TIGD1: variants seen among roughly 807,000 people sequenced by gnomAD.
TIGD1 encodes the protein tigger transposable element derived 1, also known as tigger transposable element-derived protein 1.
In TIGD1, 20 loss-of-function variants were observed where a neutral mutation model predicts 21.3. The ratio of observed to expected loss-of-function variants is 0.94; its 90% confidence interval spans 0.66 to 1.36. The LOEUF (loss-of-function observed/expected upper bound fraction) is 1.36. Among genes scored for constraint, TIGD1 ranks in the 40% most tolerant of loss-of-function variants. The pLI is 0.00. For synonymous variants in TIGD1, 177 were observed against 123.2 expected (o/e 1.44, Z -2.89); for missense variants, 556 against 350.5 (o/e 1.59, Z -4.68).
Position 232,549,823 on chromosome 2 carries a change from T to C in TIGD1, c.60A>G (p.Lys20=), listed in dbSNP as rs955049434. Residue 20 remains lysine, a synonymous_variant, in exon 1 of 1, where the codon AAA becomes AAG. Transcript: ENST00000408957. Reference sequence around the variant, plus strand: ...CCTCACTCAGTTTAATCATTTCTAGTTTTTGATTTAAAGTGAGAGATGTGC... The same window carrying C: ...CCTCACTCAGTTTAATCATTTCTAGCTTTTGATTTAAAGTGAGAGATGTGC... ...KSRTSLTLNQ[K]LEMIKLSEEG... The C allele has an allele frequency of 6.5e-7, 1 of 1,543,564 alleles. No individual in the cohort carries two copies. Among genetic ancestry groups the C allele is most frequent in the African/African-American group, 1.4e-5 (1 of 72,674 alleles).
chr2:232,544,938 G>C lies in TIGD1; in HGVS notation c.*3169C>G. ...TCAGGGTGGGGTGGAGGTGGAGTGA[G>C]TACCTGGGCTTGGAACCGTGATAGA... On this transcript the variant is annotated 3_prime_UTR_variant, in exon 1 of 1. Transcript: ENST00000408957. 1.2e-6 allele frequency: 2 copies of C among 1,613,222 alleles called. No individual in the cohort carries two copies. Among genetic ancestry groups the C allele is most frequent in the Non-Finnish European group, 1.7e-6 (2 of 1,179,718 alleles).
Position 232,545,474 on chromosome 2 carries a change from G to C in TIGD1, c.*2633C>G, listed in dbSNP as rs1692110935. 7.1e-7 allele frequency: 1 copy of C among 1,407,594 alleles called. No individual in the cohort carries two copies. Among genetic ancestry groups the C allele is most frequent in the Admixed American group, 1.8e-5 (1 of 54,178 alleles). The allele number at this position is 1,407,594 out of a possible 1,614,324, so 87.2% of individuals were successfully genotyped here. A position where few individuals can be genotyped will look rare whatever the true frequency, so the allele number is the denominator to read the frequency against. On this transcript the variant is annotated 3_prime_UTR_variant, in exon 1 of 1. Transcript: ENST00000408957. Reference sequence around the variant, plus strand: ...GACATGGGCCTGCTGGAAGCCCAAGGATGAGAACAGGACCCAGGGAAGACC... The same window carrying C: ...GACATGGGCCTGCTGGAAGCCCAAGCATGAGAACAGGACCCAGGGAAGACC...
rs1230404709 is a variant in TIGD1, at chr2:232,548,432, A to G, written c.1451T>C (p.Ile484Thr). The change falls in exon 1 of 1, where the codon ATT becomes ACT. Residue 484 changes from isoleucine to threonine, a missense_variant. Transcript: ENST00000408957. ...ESTPGEDAVN[I>T]VEMTTKDLEY... ...TAAATCCTTTGTTGTCATTTCAACA[A>G]TGTTCACAGCATCTTCACCAGGTGT... is the stretch of plus-strand genomic sequence containing the variant. 1 of 736,470 alleles carries G rather than the reference A, an allele frequency of 1.4e-6. No individual in the cohort carries two copies. Among genetic ancestry groups the G allele is most frequent in the Admixed American group, 2.1e-5 (1 of 48,670 alleles). 45.6% of individuals were successfully genotyped at this position (736,470 alleles called of 1,614,324 possible). A position where few individuals can be genotyped will look rare whatever the true frequency, so the allele number is the denominator to read the frequency against.
In TIGD1 at chr2:232,548,193, T is replaced by G. The variant is rs1206562284; in HGVS notation, c.1690A>C (p.Thr564Pro). 6.5e-7 allele frequency: 1 copy of G among 1,534,300 alleles called. No homozygotes were observed. Among genetic ancestry groups the G allele is most frequent in the Non-Finnish European group, 8.7e-7 (1 of 1,143,352 alleles). ...LPQPPQPSAA[T>P]TLTSQQPSTS... Reference sequence around the variant, plus strand: ...GATGGTTGCTGACTGGTCAGGGTGGTGGCTGCTGAAGGTTGGGGTGGCTGT... The same window carrying G: ...GATGGTTGCTGACTGGTCAGGGTGGGGGCTGCTGAAGGTTGGGGTGGCTGT... The change falls in exon 1 of 1, where the codon ACC becomes CCC. Residue 564 changes from threonine to proline, a missense_variant. Coordinates refer to ENST00000408957, the MANE Select transcript of TIGD1 (RefSeq NM_145702.4).
chr2:232,549,454 G>A lies in TIGD1; in HGVS notation c.429C>T (p.Ser143=). The A allele has an allele frequency of 1.5e-6, 1 of 664,862 alleles. No individual in the cohort carries two copies. 41.2% of individuals were successfully genotyped at this position (664,862 alleles called of 1,614,324 possible). A position where few individuals can be genotyped will look rare whatever the true frequency, so the allele number is the denominator to read the frequency against. The change falls in exon 1 of 1, where the codon AGC becomes AGT. Residue 143 remains serine (S), a synonymous_variant. Coordinates refer to ENST00000408957, the MANE Select transcript of TIGD1 (RefSeq NM_145702.4). ...RGWFMRFKER[S]HFHNIKAQGE... Reference sequence around the variant, plus strand: ...CTTGTGCTTTTATGTTATGGAAATGGCTTCTTTCCTTAAACCTCATGAACC... The same window carrying A: ...CTTGTGCTTTTATGTTATGGAAATGACTTCTTTCCTTAAACCTCATGAACC...
chr2:232,546,047 C>A lies in TIGD1; in HGVS notation c.*2060G>T, dbSNP rs1692127739. On this transcript the variant is annotated 3_prime_UTR_variant, in exon 1 of 1. Coordinates refer to ENST00000408957, the MANE Select transcript of TIGD1 (RefSeq NM_145702.4). Reference sequence around the variant, plus strand: ...TCCCATCAGTCTGAAGCCCGAAGGACTGTTTTGTATAATACCTTCGGACTT... The same window carrying A: ...TCCCATCAGTCTGAAGCCCGAAGGAATGTTTTGTATAATACCTTCGGACTT... The A allele has an allele frequency of 2.3e-6, 1 of 435,044 alleles. No homozygotes were observed. The highest frequency in any genetic ancestry group is 2.0e-5 in the African/African-American group (1 of 49,636). 26.9% of individuals were successfully genotyped at this position (435,044 alleles called of 1,614,324 possible).
Position 232,548,080 on chromosome 2 carries a change from T to A in TIGD1, c.*27A>T, listed in dbSNP as rs1692162152. On this transcript the variant is annotated 3_prime_UTR_variant, in exon 1 of 1. Coordinates refer to ENST00000408957, the MANE Select transcript of TIGD1 (RefSeq NM_145702.4). ...CAATATACATACCTAAATTTAAAAA[T>A]ACTTTATTGCTAAAAAATGCTGATT... The A allele has an allele frequency of 1.6e-6, 1 of 609,074 alleles. No homozygotes were observed. Among genetic ancestry groups the A allele is most frequent in the African/African-American group, 1.9e-5 (1 of 53,478 alleles). 37.7% of individuals were successfully genotyped at this position (609,074 alleles called of 1,614,324 possible).
chr2:232,549,923 C>A lies in TIGD1; in HGVS notation c.-41G>T. The A allele has an allele frequency of 8.7e-7, 1 of 1,155,516 alleles. No individual in the cohort carries two copies. The highest frequency in any genetic ancestry group is 1.6e-5 in the South Asian group (1 of 60,974). The allele number at this position is 1,155,516 out of a possible 1,614,324, so 71.6% of individuals were successfully genotyped here. Reference sequence around the variant, plus strand: ...TCGCCTAATCTCAATATTGTTGTGTCTCAGGGAATAGGGAGGCCCAAGAAG... The same window carrying A: ...TCGCCTAATCTCAATATTGTTGTGTATCAGGGAATAGGGAGGCCCAAGAAG... On this transcript the variant is annotated 5_prime_UTR_variant, in exon 1 of 1. Transcript: ENST00000408957.
Position 232,545,543 on chromosome 2 carries a change from G to A in TIGD1, c.*2564C>T, listed in dbSNP as rs143800157. The A allele has an allele frequency of 3.0e-4, 480 of 1,613,364 alleles. 1 individual carries two copies. The highest frequency in any genetic ancestry group is 8.3e-5 in the Admixed American group (5 of 59,974). ...TCCCACACCTGCCTCCCACCCTCAG[G>A]GGAATGAGGAGTGGTTCCTGGTGGG... On this transcript the variant is annotated 3_prime_UTR_variant, in exon 1 of 1. Coordinates refer to ENST00000408957, the MANE Select transcript of TIGD1 (RefSeq NM_145702.4).
In TIGD1 at chr2:232,550,398, A is replaced by G; in HGVS notation, c.-516T>C. On this transcript the variant is annotated 5_prime_UTR_variant, in exon 1 of 1. Coordinates refer to ENST00000408957, the MANE Select transcript of TIGD1 (RefSeq NM_145702.4). ...AAGGTTTTTACCAAGCAGCGAGTCC[A>G]GAGCCCGCGCCGTCAACGACGCGGT... 2.0e-6 allele frequency: 1 copy of G among 488,506 alleles called. No individual in the cohort carries two copies. The highest frequency in any genetic ancestry group is 3.7e-6 in the Non-Finnish European group (1 of 269,134). 30.3% of individuals were successfully genotyped at this position (488,506 alleles called of 1,614,324 possible). A position where few individuals can be genotyped will look rare whatever the true frequency, so the allele number is the denominator to read the frequency against.
chr2:232,545,681 G>A lies in TIGD1; in HGVS notation c.*2426C>T, dbSNP rs574529560. ...CCGGGTGCCGGCCCTGCCATTCCCT[G>A]GAGATCCACGCCCCTACCTGCCCTC... is the stretch of plus-strand genomic sequence containing the variant. On this transcript the variant is annotated 3_prime_UTR_variant, in exon 1 of 1. Transcript: ENST00000408957. 6.8e-6 allele frequency: 11 copies of A among 1,614,152 alleles called. No homozygotes were observed. In the African/African-American group the frequency reaches 9.3e-5, roughly 14 times the overall value.
rs1219171072 is a variant in TIGD1, at chr2:232,549,701, ACTTC to A, written c.178_181del (p.Glu60LeufsTer7). ...TGTGTTCATTGGAGTAGCACTTTTA[ACTTC>A]CTTCAAGAACTTTTCCTTTGCATTT... On this transcript the variant is annotated frameshift_variant, in exon 1 of 1. Transcript: ENST00000408957. LOFTEE classifies it high-confidence loss of function. The A allele has an allele frequency of 6.1e-6, 5 of 821,314 alleles. No individual in the cohort carries two copies. The highest frequency in any genetic ancestry group is 1.4e-5 in the South Asian group (1 of 69,306). 50.9% of individuals were successfully genotyped at this position (821,314 alleles called of 1,614,324 possible).
In TIGD1 at chr2:232,548,987, A is replaced by G. The variant is rs1029137210; in HGVS notation, c.896T>C (p.Leu299Pro). The stretch of plus-strand genomic sequence containing the variant: ...ATGACTAGGGGCATTGTCAATGAGC[A>G]GTAATATTTTGAAAGGAATCTTCTT... Reference protein sequence around the residue: ...SEKKIPFKILLLIDNAPSHPR... With the variant: ...SEKKIPFKILPLIDNAPSHPR... Residue 299 changes from leucine to proline, a missense_variant, in exon 1 of 1, where the codon CTG (leucine) becomes CCG (proline). Coordinates refer to ENST00000408957, the MANE Select transcript of TIGD1 (RefSeq NM_145702.4). 1.0e-5 allele frequency: 7 copies of G among 697,328 alleles called. No individual in the cohort carries two copies. The African/African-American group carries it at 1.2e-4, about 12-fold the overall frequency. The allele number at this position is 697,328 out of a possible 1,614,324, so 43.2% of individuals were successfully genotyped here.
rs1334734375 is a variant in TIGD1, at chr2:232,544,353, C to T, written c.*3754G>A. ...GCTCGGCCTGCTGCCCTAGTGAAGCCACCCCCTCTCTAGGTGTTCCTGAGG... is the reference window on the plus strand; with the variant it reads ...GCTCGGCCTGCTGCCCTAGTGAAGCTACCCCCTCTCTAGGTGTTCCTGAGG... On this transcript the variant is annotated 3_prime_UTR_variant, in exon 1 of 1. Transcript: ENST00000408957. 7 of 1,604,210 alleles carry T rather than the reference C, an allele frequency of 4.4e-6. No homozygotes were observed. Among genetic ancestry groups the T allele is most frequent in the Non-Finnish European group, 6.0e-6 (7 of 1,172,254 alleles).
Position 232,548,387 on chromosome 2 carries a change from A to C in TIGD1, c.1496T>G (p.Val499Gly), listed in dbSNP as rs1230758841. Residue 499 changes from valine (V) to glycine (G), a missense_variant, in exon 1 of 1, where the codon GTT (valine) becomes GGT (glycine). Coordinates refer to ENST00000408957, the MANE Select transcript of TIGD1 (RefSeq NM_145702.4). Reference protein sequence around the residue: ...TKDLEYYINLVDKAAAGFERI... With the variant: ...TKDLEYYINLGDKAAAGFERI... ...CTCAAACCCTGCTGCTGCTTTATCAACTAAGTTTATGTAATATTCTAAATC... is the reference window on the plus strand; with the variant it reads ...CTCAAACCCTGCTGCTGCTTTATCACCTAAGTTTATGTAATATTCTAAATC... The C allele has an allele frequency of 1.2e-6, 1 of 854,732 alleles. No homozygotes were observed. Among genetic ancestry groups the C allele is most frequent in the Non-Finnish European group, 1.9e-6 (1 of 536,318 alleles). The allele number at this position is 854,732 out of a possible 1,614,324, so 52.9% of individuals were successfully genotyped here. A position where few individuals can be genotyped will look rare whatever the true frequency, so the allele number is the denominator to read the frequency against.
chr2:232,544,642 G>A lies in TIGD1; in HGVS notation c.*3465C>T. 2 of 1,570,888 alleles carry A rather than the reference G, an allele frequency of 1.3e-6. No homozygotes were observed. Among genetic ancestry groups the A allele is most frequent in the African/African-American group, 1.3e-5 (1 of 74,156 alleles). On this transcript the variant is annotated 3_prime_UTR_variant, in exon 1 of 1. Transcript: ENST00000408957. ...CCTGGGACCCCAGCTGGGGAGCCAGGCACAGCAGATGAGTGCTGGAGAAGT... is the reference window on the plus strand; with the variant it reads ...CCTGGGACCCCAGCTGGGGAGCCAGACACAGCAGATGAGTGCTGGAGAAGT...
Position 232,545,735 on chromosome 2 carries a change from G to T in TIGD1, c.*2372C>A. 1 of 1,613,806 alleles carries T rather than the reference G, an allele frequency of 6.2e-7. No homozygotes were observed. Among genetic ancestry groups the T allele is most frequent in the Non-Finnish European group, 8.5e-7 (1 of 1,179,876 alleles). On this transcript the variant is annotated 3_prime_UTR_variant, in exon 1 of 1. Transcript: ENST00000408957. The stretch of plus-strand genomic sequence containing the variant: ...AGACTGAGCCAACCAACCACTGTGG[G>T]GCATGTGGGAGTCACACACGTGGGT...
chr2:232,548,682 CTGTTAA>C lies in TIGD1; in HGVS notation c.1195_1200del (p.Leu399_Thr400del), dbSNP rs554716586. The C allele has an allele frequency of 2.6e-3, 1,251 of 485,576 alleles. 7 individuals are homozygous for C. Among genetic ancestry groups the C allele is most frequent in the Non-Finnish European group, 4.5e-3 (1,142 of 253,806 alleles). 30.1% of individuals were successfully genotyped at this position (485,576 alleles called of 1,614,324 possible). A position where few individuals can be genotyped will look rare whatever the true frequency, so the allele number is the denominator to read the frequency against. ...GTGGGAATCAACTTCTTCCAAACTC[CTGTTAA>C]TGTTGACAATTTGACCTCCTCCCAT... On this transcript the variant is annotated inframe_deletion, in exon 1 of 1. Coordinates refer to ENST00000408957, the MANE Select transcript of TIGD1 (RefSeq NM_145702.4).
chr2:232,544,356 C>A lies in TIGD1; in HGVS notation c.*3751G>T. 3 of 1,606,764 alleles carry A rather than the reference C, an allele frequency of 1.9e-6. No homozygotes were observed. Among genetic ancestry groups the A allele is most frequent in the Non-Finnish European group, 2.6e-6 (3 of 1,174,412 alleles). On this transcript the variant is annotated 3_prime_UTR_variant, in exon 1 of 1. Transcript: ENST00000408957. ...CGGCCTGCTGCCCTAGTGAAGCCAC[C>A]CCCTCTCTAGGTGTTCCTGAGGCTC...
Sources: gnomAD v4.1 joint callset for allele counts on GRCh38, gnomAD v4.1.1 for gene constraint, MANE v1.5 for transcripts, NCBI Gene and HGNC (gene_info 2026-07-23, HGNC 2026-07-21) for gene names.